The following KIAA0825 variants were observed in gnomAD, a reference collection of about 807,000 sequenced individuals.
KIAA0825 encodes the protein uncharacterized protein KIAA0825.
A neutral mutation model predicts 147.6 loss-of-function variants in KIAA0825; 119 were observed. The observed-to-expected ratio is 0.81, with a 90% confidence interval of 0.69 to 0.94. The LOEUF is 0.94. Among genes scored for constraint, KIAA0825 ranks in the 40% least tolerant of loss-of-function variants. KIAA0825 has a pLI of 0.00. For synonymous variants in KIAA0825, 470 were observed against 518.1 expected (o/e 0.91, Z 1.26); for missense variants, 1,381 against 1,472.7 (o/e 0.94, Z 1.02).
intron 12 of KIAA0825, 64 bp downstream of exon 12, chr5:94,462,323 G>A: frequency 1.2e-6 from 1 of 858,350 alleles, no homozygotes; most frequent in Non-Finnish European, 1.7e-6. Flanking sequence ...TAAGTGTTAT[G>A]AAAATAACTT....
intron 2 of KIAA0825, among the ~76,000 whole-genome samples, chr5:94,563,777 C>T (rs912889003): frequency 2.6e-5 from 4 of 152,074 alleles, no homozygotes; most frequent in East Asian, 1.9e-4. Flanking sequence ...CTCCACCTCC[C>T]GAGTTCAAGC....
intron 20 of KIAA0825, among the ~76,000 whole-genome samples, chr5:94,316,663 A>C (rs975049092): frequency 1.3e-5 from 2 of 151,488 alleles, no homozygotes; most frequent in African/African-American, 4.8e-5. Context: ...GAAACAGTCC[A>C]CTCTGAATCA....
intron 20 of KIAA0825, among the ~76,000 whole-genome samples, chr5:94,365,478 A>G (rs1426185274): frequency 6.6e-6 from 1 of 152,234 alleles, no homozygotes; most frequent in East Asian, 1.9e-4. Context: ...ATGTAAATCA[A>G]AATCCACAGC....
intron 20 of KIAA0825, among the ~76,000 whole-genome samples, chr5:94,347,243 C>T (rs1315133444): frequency 1.3e-5 from 2 of 152,196 alleles, no homozygotes; most frequent in Non-Finnish European, 2.9e-5. Context: ...CAGAAAAGGG[C>T]ATATAATCGG....
chr5:94,465,711 C>G (rs2150966868), intron 10 of KIAA0825, among the ~76,000 whole-genome samples: 1 of 152,294 alleles, frequency 6.6e-6, no homozygotes, highest in East Asian at 1.9e-4. Flanking sequence ...ATCATCATTT[C>G]TTAGTATTTT....
At chr5:94,280,695 A>G (rs1408923942) in intron 20 of KIAA0825, among the ~76,000 whole-genome samples, 1 of 152,036 alleles carries the variant, frequency 6.6e-6, no homozygotes, top group African/African-American at 2.4e-5. Flanking sequence ...TGCCACTGTA[A>G]TATTTCAGGT....
chr5:94,334,079 T>C (rs1781550080), intron 20 of KIAA0825, among the ~76,000 whole-genome samples: 1 of 150,182 alleles, frequency 6.7e-6, no homozygotes, highest in African/African-American at 2.5e-5. Context: ...ATTGACTTTC[T>C]TCACAGAATT....
At chr5:94,427,064 A>T (rs1423672154) in intron 14 of KIAA0825, among the ~76,000 whole-genome samples, 1 of 152,190 alleles carries the variant, frequency 6.6e-6, no homozygotes, top group East Asian at 1.9e-4. Flanking sequence ...ATATAAAAAA[A>T]ATTTGCCAGC....
rs188005315 is a variant in KIAA0825, at chr5:94,364,983, T to C, written c.3710+19385A>G. On this transcript the variant is annotated intron_variant, in intron 20 of 20. Transcript: ENST00000682413. ...ATGGCTGCTCCATCTTCCCATCTCT[T>C]TGCCAAACTACGTGTACAGTAAGAG... is the stretch of plus-strand genomic sequence containing the variant. 7.9e-5 allele frequency among the ~76,000 whole-genome samples: 12 copies of C among 152,174 alleles called. No homozygotes were observed. The East Asian group carries it at 2.3e-3, about 29-fold the overall frequency.
chr5:94,246,467 T>C (rs1235228522), intron 20 of KIAA0825, among the ~76,000 whole-genome samples: 1 of 152,056 alleles, frequency 6.6e-6, no homozygotes, highest in Non-Finnish European at 1.5e-5. Context: ...CGTGTGTGCC[T>C]TGGGAGAGTG....
At chr5:94,291,412 T>C (rs1777886770) in intron 20 of KIAA0825, among the ~76,000 whole-genome samples, 1 of 152,176 alleles carries the variant, frequency 6.6e-6, no homozygotes, top group South Asian at 2.1e-4. Context: ...TTGTCAAAGA[T>C]CAGATGGTTG....
At chr5:94,490,068 C>T (rs944023385) in intron 5 of KIAA0825, among the ~76,000 whole-genome samples, 3 of 151,896 alleles carry the variant, frequency 2.0e-5, no homozygotes, top group Admixed American at 2.0e-4. Flanking sequence ...TACATATTTG[C>T]CCTGGGCAAA....
chr5:94,502,380 C>T (rs1765199732), intron 5 of KIAA0825, among the ~76,000 whole-genome samples: 1 of 152,056 alleles, frequency 6.6e-6, no homozygotes, highest in Admixed American at 6.6e-5. Context: ...CATGGCAGTG[C>T]TGAAAAGAAC....
chr5:94,263,449 T>C (rs143530389), intron 20 of KIAA0825, among the ~76,000 whole-genome samples: 1 of 152,312 alleles, frequency 6.6e-6, no homozygotes, highest in South Asian at 2.1e-4. Context: ...ACAGGATTCA[T>C]GTGTTTTGGC....
At chr5:94,608,224 G>A (rs907180718) in intron 1 of KIAA0825, among the ~76,000 whole-genome samples, 2 of 149,828 alleles carry the variant, frequency 1.3e-5, no homozygotes, top group Non-Finnish European at 3.0e-5. Context: ...TTATGTCTTC[G>A]ATAGGAAGTA....
At chr5:94,407,809 C>T (rs1283931159) in intron 15 of KIAA0825, among the ~76,000 whole-genome samples, 3 of 152,150 alleles carry the variant, frequency 2.0e-5, no homozygotes, top group Admixed American at 6.5e-5. Flanking sequence ...GATATTTTTA[C>T]ACTTTAAAAG....
intron 5 of KIAA0825, among the ~76,000 whole-genome samples, chr5:94,496,744 C>A (rs886585383): frequency 2.0e-4 from 30 of 152,086 alleles, no homozygotes; most frequent in African/African-American, 6.3e-4. Context: ...CAGCCTGTCC[C>A]GTGGAACATG....
At chr5:94,275,090 T>C (rs1240582469) in intron 20 of KIAA0825, among the ~76,000 whole-genome samples, 1 of 152,148 alleles carries the variant, frequency 6.6e-6, no homozygotes, top group African/African-American at 2.4e-5. Flanking sequence ...AAGGAACACA[T>C]ATGCTTGACA....
chr5:94,219,940 CTA>C (rs1773538260), intron 20 of KIAA0825, among the ~76,000 whole-genome samples: 1 of 152,086 alleles, frequency 6.6e-6, no homozygotes, highest in Non-Finnish European at 1.5e-5. Context: ...TTTATAAAAA[CTA>C]TTTTTTCTTC....
Sources: allele counts gnomAD v4.1 joint callset (sites outside exome capture counted in the v4.1 genomes callset), GRCh38; gene constraint gnomAD v4.1.1; transcripts MANE v1.5; gene names NCBI Gene and HGNC (gene_info 2026-07-23, HGNC 2026-07-21).